Variants in SGCZ observed in about 807,000 individuals in gnomAD.
The protein encoded by SGCZ is zeta-sarcoglycan.
Under a neutral mutation model 41.3 loss-of-function variants are expected in SGCZ, and 40 were observed. That is an observed-to-expected ratio of 0.97 (90% CI 0.75 to 1.26). The LOEUF is 1.26. SGCZ is among the 50% of genes most tolerant of loss of function. The pLI is 0.00. For missense variants in SGCZ, 552 were observed against 369.8 expected (o/e 1.49, Z -4.04); for synonymous variants, 206 against 137.5 (o/e 1.50, Z -3.49).
chr8:14,277,182 G>C (rs1479605668), intron 3 of SGCZ, among the ~76,000 whole-genome samples: 1 of 152,102 alleles, frequency 6.6e-6, no homozygotes. Context: ...TGACACAACT[G>C]ACTTTTTCAA....
At chr8:14,777,188 G>A (rs1328042920) in intron 1 of SGCZ, among the ~76,000 whole-genome samples, 3 of 152,132 alleles carry the variant, frequency 2.0e-5, no homozygotes, top group Non-Finnish European at 4.4e-5. Context: ...TCCATCCTAA[G>A]AGAAACTAGG....
intron 1 of SGCZ, among the ~76,000 whole-genome samples, chr8:14,986,092 T>G (rs934721260): frequency 6.6e-6 from 1 of 151,994 alleles, no homozygotes; most frequent in Non-Finnish European, 1.5e-5. Context: ...AATATATACA[T>G]GTATGGCACA....
At chr8:14,519,018 A>C (rs1197305387) in intron 2 of SGCZ, among the ~76,000 whole-genome samples, 1 of 151,072 alleles carries the variant, frequency 6.6e-6, no homozygotes. Context: ...GCAGTGAGCC[A>C]AGATCGCACC....
chr8:15,109,147 A>G (rs1806947686), intron 1 of SGCZ, among the ~76,000 whole-genome samples: 1 of 152,194 alleles, frequency 6.6e-6, no homozygotes, highest in African/African-American at 2.4e-5. Flanking sequence ...AATATTTGGT[A>G]AAATCTTGAT....
intron 3 of SGCZ, among the ~76,000 whole-genome samples, chr8:14,246,036 T>C (rs566532337): frequency 6.6e-6 from 1 of 152,332 alleles, no homozygotes; most frequent in African/African-American, 2.4e-5. Flanking sequence ...GAAGTCAGTG[T>C]GGCGATTCCT....
At chr8:14,804,416 G>A (rs1174507550) in intron 1 of SGCZ, among the ~76,000 whole-genome samples, 1 of 139,006 alleles carries the variant, frequency 7.2e-6, no homozygotes, top group Non-Finnish European at 1.6e-5. Context: ...CAAGGCTCGA[G>A]AACTCCGTGA....
At chr8:14,335,325 C>G (rs1372684666) in intron 2 of SGCZ, among the ~76,000 whole-genome samples, 1 of 151,928 alleles carries the variant, frequency 6.6e-6, no homozygotes, top group Non-Finnish European at 1.5e-5. Context: ...TTTAAAAGAC[C>G]CTATAAGCTT....
At chr8:15,174,432 G>C (rs1233407166) in intron 1 of SGCZ, among the ~76,000 whole-genome samples, 1 of 152,106 alleles carries the variant, frequency 6.6e-6, no homozygotes, top group Non-Finnish European at 1.5e-5. Context: ...CCCAGAACTT[G>C]CTTCATTATT....
At chr8:14,136,496 A>G (rs571384629) in intron 5 of SGCZ, among the ~76,000 whole-genome samples, 1 of 152,296 alleles carries the variant, frequency 6.6e-6, no homozygotes, top group East Asian at 1.9e-4. Flanking sequence ...CCAGTACATT[A>G]TATCCCACAC....
intron 2 of SGCZ, among the ~76,000 whole-genome samples, chr8:14,356,310 T>C (rs987778257): frequency 6.6e-6 from 1 of 152,232 alleles, no homozygotes; most frequent in South Asian, 2.1e-4. Flanking sequence ...AGCCTCTGTG[T>C]ATCAGTTACC....
chr8:14,175,056 T>C (rs1057358080), intron 4 of SGCZ, among the ~76,000 whole-genome samples: 2 of 152,134 alleles, frequency 1.3e-5, no homozygotes, highest in Non-Finnish European at 2.9e-5. Context: ...TACATTCTGG[T>C]ACTGAAGGTT....
intron 2 of SGCZ, among the ~76,000 whole-genome samples, chr8:14,360,575 C>G (rs1803475007): frequency 6.6e-6 from 1 of 152,100 alleles, no homozygotes; most frequent in South Asian, 2.1e-4. Flanking sequence ...ATCTGCCTGC[C>G]TCGGCCTCCA....
At chr8:14,224,371 A>C (rs1451740404) in intron 4 of SGCZ, among the ~76,000 whole-genome samples, 1 of 152,170 alleles carries the variant, frequency 6.6e-6, no homozygotes, top group Non-Finnish European at 1.5e-5. Context: ...ACCAGGTACT[A>C]TGGTGAGTGT....
intron 2 of SGCZ, among the ~76,000 whole-genome samples, chr8:14,401,327 T>A (rs1799067005): frequency 6.6e-6 from 1 of 152,016 alleles, no homozygotes; most frequent in African/African-American, 2.4e-5. Flanking sequence ...AGGGTACATG[T>A]GCACATTGTG....
intron 1 of SGCZ, among the ~76,000 whole-genome samples, chr8:14,780,723 T>C (rs545018470): frequency 6.6e-6 from 1 of 152,220 alleles, no homozygotes; most frequent in Admixed American, 6.5e-5. Flanking sequence ...GGACTGATTT[T>C]GTTTTTTAAC....
rs186329294 is a variant in SGCZ, at chr8:14,556,001, G to C, written c.40-1075C>G. Among the ~76,000 whole-genome samples the C allele has an allele frequency of 2.0e-5, 3 of 152,032 alleles. No individual in the cohort carries two copies. The East Asian group carries it at 5.8e-4, about 29-fold the overall frequency. On this transcript the variant is annotated intron_variant, in intron 1 of 7. Transcript: ENST00000382080. ...TAGAAGTCAGTTCTGAAAAACTAAA[G>C]ATGATATTCTTTGATAATGCATACA...
At chr8:15,167,232 A>G (rs752057986) in intron 1 of SGCZ, among the ~76,000 whole-genome samples, 65 of 152,350 alleles carry the variant, frequency 4.3e-4, no homozygotes, top group South Asian at 4.1e-4. Context: ...ACAGAACACA[A>G]TTGGAGAAAG....
intron 1 of SGCZ, among the ~76,000 whole-genome samples, chr8:14,609,808 A>T (rs769284724): frequency 2.0e-5 from 3 of 152,152 alleles, no homozygotes; most frequent in Non-Finnish European, 4.4e-5. Flanking sequence ...AGCACAATAG[A>T]GAAACTATTC....
At chr8:14,209,661 A>G (rs1805734852) in intron 4 of SGCZ, among the ~76,000 whole-genome samples, 1 of 152,194 alleles carries the variant, frequency 6.6e-6, no homozygotes, top group African/African-American at 2.4e-5. Flanking sequence ...ATTCAATATA[A>G]TATCCTTTTT....
Sources: allele counts gnomAD v4.1 joint callset (sites outside exome capture counted in the v4.1 genomes callset), GRCh38; gene constraint gnomAD v4.1.1; transcripts MANE v1.5; gene names NCBI Gene and HGNC (gene_info 2026-07-23, HGNC 2026-07-21).